The following SPON1 variants were observed in gnomAD, a reference collection of about 807,000 sequenced individuals.
The protein encoded by SPON1 is spondin 1.
SPON1 carries 52 observed loss-of-function variants against 111.7 expected under a neutral mutation model. That is an observed-to-expected ratio of 0.47 (90% CI 0.37 to 0.59). The LOEUF is 0.59. SPON1 is among the 20% of genes least tolerant of loss of function. SPON1 has a pLI of 0.00. For missense variants in SPON1, 957 were observed against 1,068.5 expected (o/e 0.90, Z 1.46); for synonymous variants, 410 against 395.8 (o/e 1.04, Z -0.43).
intron 6 of SPON1, among the ~76,000 whole-genome samples, chr11:14,161,516 C>T (rs572206395): frequency 5.3e-4 from 80 of 150,964 alleles, no homozygotes; most frequent in African/African-American, 1.8e-3. Context: ...ACGGGCTTTC[C>T]GCGTGTTGTC....
At chr11:13,975,118 A>G (rs1848092162) in intron 1 of SPON1, among the ~76,000 whole-genome samples, 1 of 152,108 alleles carries the variant, frequency 6.6e-6, no homozygotes. Flanking sequence ...CACATTGTTC[A>G]TACCTCCATA....
intron 2 of SPON1, among the ~76,000 whole-genome samples, chr11:14,022,725 A>T (rs1282685598): frequency 6.6e-6 from 1 of 152,220 alleles, no homozygotes; most frequent in Non-Finnish European, 1.5e-5. Context: ...TTCCCTGTTC[A>T]TCTAAAAAAT....
intron 2 of SPON1, among the ~76,000 whole-genome samples, chr11:14,027,847 T>C (rs1848530347): frequency 6.6e-6 from 1 of 152,216 alleles, no homozygotes; most frequent in Admixed American, 6.5e-5. Flanking sequence ...CTGGCAATAA[T>C]TATTAAACAT....
chr11:14,202,193 T>C (rs1272313288), intron 6 of SPON1, among the ~76,000 whole-genome samples: 7 of 152,182 alleles, frequency 4.6e-5, no homozygotes, highest in Admixed American at 4.6e-4. Flanking sequence ...GAGGAAACGT[T>C]CACTTGTGTG....
At chr11:14,170,750 A>C (rs1263671364) in intron 6 of SPON1, among the ~76,000 whole-genome samples, 5 of 152,200 alleles carry the variant, frequency 3.3e-5, no homozygotes, top group Non-Finnish European at 7.3e-5. Context: ...TATTGAGATA[A>C]TCATGTGGCT....
intron 6 of SPON1, among the ~76,000 whole-genome samples, chr11:14,209,436 G>A (rs538895208): frequency 1.4e-3 from 206 of 151,932 alleles, no homozygotes; most frequent in African/African-American, 4.5e-3. Context: ...GACAGGCCCC[G>A]GTGTGTGATG....
At chr11:14,025,589 A>G (rs1848511630) in intron 2 of SPON1, among the ~76,000 whole-genome samples, 1 of 152,152 alleles carries the variant, frequency 6.6e-6, no homozygotes, top group Non-Finnish European at 1.5e-5. Context: ...CTATTTTCAC[A>G]AACCTTCCAG....
chr11:14,249,792 G>T (rs563467327), intron 7 of SPON1, among the ~76,000 whole-genome samples: 1 of 152,290 alleles, frequency 6.6e-6, no homozygotes, highest in Admixed American at 6.5e-5. Context: ...GCCCTGTTAT[G>T]TGTCCCTCAC....
chr11:14,176,609 C>A lies in SPON1; in HGVS notation c.825+41041C>A, dbSNP rs34683484. On this transcript the variant is annotated intron_variant, in intron 6 of 15. Coordinates refer to ENST00000576479, the MANE Select transcript of SPON1 (RefSeq NM_006108.4). ...GCAATACTCACCAATCCAGACACCCCTCAATGGGGCTACAGACAGATATCC... is the reference window on the plus strand; with the variant it reads ...GCAATACTCACCAATCCAGACACCCATCAATGGGGCTACAGACAGATATCC... Among the ~76,000 whole-genome samples, 1,187 of 152,286 alleles carry A rather than the reference C, an allele frequency of 7.8e-3. 6 individuals carry two copies. The highest frequency in any genetic ancestry group is 0.013 in the Non-Finnish European group (874 of 68,034).
intron 7 of SPON1, among the ~76,000 whole-genome samples, chr11:14,250,382 G>A (rs1418690097): frequency 2.9e-5 from 4 of 135,906 alleles, no homozygotes; most frequent in Non-Finnish European, 4.8e-5. Flanking sequence ...TTTTTTTCTT[G>A]TGTGGTATAT....
intron 2 of SPON1, among the ~76,000 whole-genome samples, chr11:13,996,314 T>A (rs1848272088): frequency 6.6e-6 from 1 of 152,254 alleles, no homozygotes; most frequent in South Asian, 2.1e-4. Context: ...CACCTCTTGC[T>A]TAACACTTAG....
chr11:14,136,595 C>T (rs1244783012), intron 6 of SPON1, among the ~76,000 whole-genome samples: 1 of 152,184 alleles, frequency 6.6e-6, no homozygotes, highest in African/African-American at 2.4e-5. Flanking sequence ...CCAAGCTGCC[C>T]ACAGACCCTA....
intron 2 of SPON1, among the ~76,000 whole-genome samples, chr11:13,990,402 T>TG (rs1848219744): frequency 8.3e-6 from 1 of 120,576 alleles, no homozygotes; most frequent in African/African-American, 3.5e-5. Context: ...TTTTTTTTTT[T>TG]TTTTTGCTTT....
intron 2 of SPON1, among the ~76,000 whole-genome samples, chr11:14,012,187 C>A (rs1390900987): frequency 2.6e-5 from 4 of 152,172 alleles, no homozygotes; most frequent in Admixed American, 2.6e-4. Context: ...TTCCAGAGGT[C>A]TAACACTGAA....
intron 6 of SPON1, among the ~76,000 whole-genome samples, chr11:14,180,041 C>T (rs1173269708): frequency 6.6e-6 from 1 of 152,190 alleles, no homozygotes; most frequent in East Asian, 1.9e-4. Flanking sequence ...CCACACCTCC[C>T]ATCTGACCCT....
chr11:14,180,862 G>A (rs1848229714), intron 6 of SPON1, among the ~76,000 whole-genome samples: 1 of 152,170 alleles, frequency 6.6e-6, no homozygotes, highest in African/African-American at 2.4e-5. Context: ...CCCAGCACCT[G>A]GTCCACAGCA....
At chr11:14,238,552 G>A (rs572850970) in intron 6 of SPON1, among the ~76,000 whole-genome samples, 2 of 152,286 alleles carry the variant, frequency 1.3e-5, no homozygotes, top group East Asian at 1.9e-4. Context: ...TAGACTCACA[G>A]TCTTACTTTC....
At chr11:14,210,896 A>G (rs1393907589) in intron 6 of SPON1, among the ~76,000 whole-genome samples, 3 of 152,190 alleles carry the variant, frequency 2.0e-5, no homozygotes, top group African/African-American at 7.2e-5. Flanking sequence ...CAGGTTTGTC[A>G]AAGATCAGAT....
In SPON1 at chr11:14,180,296, CTGTT is replaced by C. The variant is rs575978522; in HGVS notation, c.825+44732_825+44735del. The stretch of plus-strand genomic sequence containing the variant: ...AAATTTGTCAGTGTAATACACAAAA[CTGTT>C]TGTAATCTAGCCCTTCCTCTCTACC... On this transcript the variant is annotated intron_variant, in intron 6 of 15. Coordinates refer to ENST00000576479, the MANE Select transcript of SPON1 (RefSeq NM_006108.4). 5.3e-5 allele frequency among the ~76,000 whole-genome samples: 8 copies of C among 152,336 alleles called. No homozygotes were observed. The South Asian group carries it at 1.7e-3, about 32-fold the overall frequency.
Sources: gnomAD v4.1 joint callset for allele counts (sites outside exome capture counted in the v4.1 genomes callset) on GRCh38, gnomAD v4.1.1 for gene constraint, MANE v1.5 for transcripts, NCBI Gene and HGNC (gene_info 2026-07-23, HGNC 2026-07-21) for gene names.